TACC2: variants seen among roughly 807,000 people sequenced by gnomAD.
The protein encoded by TACC2 is transforming acidic coiled-coil-containing protein 2.
TACC2 carries 137 observed loss-of-function variants against 227.3 expected under a neutral mutation model. The observed-to-expected ratio is 0.60, with a 90% CI of 0.52 to 0.69. The LOEUF (loss-of-function observed/expected upper bound fraction) is 0.69, where lower values mean the gene tolerates loss of function less well. Among genes scored for constraint, TACC2 ranks in the 30% least tolerant of loss-of-function variants. The pLI is 0.00. For synonymous variants in TACC2, 1,523 were observed against 1,487.5 expected, an observed-to-expected ratio of 1.02 and a Z score of -0.55; for missense variants, 3,470 against 3,694.4, an observed-to-expected ratio of 0.94 and a Z score of 1.57.
At chr10:122,028,456 T>C (rs970367198) in intron 2 of TACC2, among the ~76,000 whole-genome samples, 3 of 152,202 alleles carry the variant, frequency 2.0e-5, no homozygotes, top group Non-Finnish European at 4.4e-5. Context: ...TTTTATGATG[T>C]TTATACCTAA....
chr10:122,023,010 A>G lies in TACC2; in HGVS notation c.33+996A>G, dbSNP rs1234218626. The G allele has an allele frequency of 3.3e-5, 5 of 151,622 alleles. No homozygotes were observed. In the South Asian group the frequency reaches 6.3e-4, roughly 19 times the overall value. The allele number at this position is 151,622 out of a possible 1,614,324, so 9.4% of individuals were successfully genotyped here. ...GAGAAAACTGGATCTAAAAACCCAC[A>G]TGCTGTAATTCATTTCCCTCTGCCT... On this transcript the variant is annotated intron_variant, in intron 2 of 22. Coordinates refer to ENST00000369005, the MANE Select transcript of TACC2 (RefSeq NM_206862.4).
At chr10:122,115,721 C>G (rs2084580561) in intron 5 of TACC2, among the ~76,000 whole-genome samples, 1 of 151,468 alleles carries the variant, frequency 6.6e-6, no homozygotes, top group Non-Finnish European at 1.5e-5. Context: ...TGGGGAGCAC[C>G]TGTGTGTGTG....
At chr10:122,066,778 T>G (rs2077435619) in intron 3 of TACC2, among the ~76,000 whole-genome samples, 1 of 152,256 alleles carries the variant, frequency 6.6e-6, no homozygotes, top group South Asian at 2.1e-4. Context: ...TTGGTTTAAA[T>G]CTATAGTCTT....
At chr10:122,080,830 TC>T (rs1165122451) in intron 3 of TACC2, among the ~76,000 whole-genome samples, 8 of 152,224 alleles carry the variant, frequency 5.3e-5, no homozygotes, top group African/African-American at 1.9e-4. Flanking sequence ...GGAGAATCTT[TC>T]CACTAGCCCC....
chr10:122,038,562 C>T (rs191535275), intron 2 of TACC2, among the ~76,000 whole-genome samples: 3 of 152,232 alleles, frequency 2.0e-5, no homozygotes, highest in East Asian at 3.9e-4. Flanking sequence ...TGTCTTGAGA[C>T]GCTCTCCAGG....
intron 3 of TACC2, among the ~76,000 whole-genome samples, chr10:122,068,846 C>G (rs1455836236): frequency 1.1e-5 from 1 of 93,508 alleles, no homozygotes; most frequent in Non-Finnish European, 2.2e-5. Flanking sequence ...GTCTGTGTGA[C>G]CTAGAAGTTT....
intron 15 of TACC2, 116 bp downstream of exon 15, chr10:122,229,602 C>T: frequency 8.5e-7 from 1 of 1,173,256 alleles, no homozygotes; most frequent in Non-Finnish European, 1.2e-6. Flanking sequence ...AGAACGTTCC[C>T]AGTGACATAT....
Position 122,215,527 on chromosome 10 carries a change from G to A in TACC2, c.7344+76G>A, listed in dbSNP as rs560179689. 4.0e-6 allele frequency: 5 copies of A among 1,256,212 alleles called. No homozygotes were observed. In the South Asian group the frequency reaches 6.0e-5, roughly 15 times the overall value. 77.8% of individuals were successfully genotyped at this position (1,256,212 alleles called of 1,614,324 possible). A position where few individuals can be genotyped will look rare whatever the true frequency, so the allele number is the denominator to read the frequency against. On this transcript the variant is annotated intron_variant, in intron 10 of 22. Coordinates refer to ENST00000369005, the MANE Select transcript of TACC2 (RefSeq NM_206862.4). ...TTTCTTCGCTTGTTGACAAAGCTTT[G>A]CTTTCTGCTCATCCCGGGCCTGTTT... is the stretch of plus-strand genomic sequence containing the variant.
intron 7 of TACC2, among the ~76,000 whole-genome samples, chr10:122,152,766 G>A (rs1350370147): frequency 6.6e-6 from 1 of 152,152 alleles, no homozygotes; most frequent in South Asian, 2.1e-4. Context: ...TGGCCAGAAC[G>A]CTGACTGTTG....
At chr10:121,999,832 T>A (rs1360865942) in intron 1 of TACC2, among the ~76,000 whole-genome samples, 1 of 152,240 alleles carries the variant, frequency 6.6e-6, no homozygotes, top group Non-Finnish European at 1.5e-5. Flanking sequence ...AATCGGTCAC[T>A]CCTTCCAGAG....
At chr10:122,195,004 C>T (rs903942433) in intron 7 of TACC2, 36 bp from the exon 8 acceptor site, 3 of 1,571,386 alleles carry the variant, frequency 1.9e-6, no homozygotes, top group Middle Eastern at 1.7e-4. Context: ...TGGCTCTGGG[C>T]CCCTGTCTAA....
At chr10:122,072,041 C>T (rs1229807003) in intron 3 of TACC2, among the ~76,000 whole-genome samples, 4 of 142,310 alleles carry the variant, frequency 2.8e-5, no homozygotes, top group South Asian at 2.3e-4. Context: ...TGCAGTGGCG[C>T]GATCTCAGCT....
intron 1 of TACC2, among the ~76,000 whole-genome samples, chr10:122,012,327 G>C (rs919949224): frequency 6.7e-6 from 1 of 149,662 alleles, no homozygotes; most frequent in Non-Finnish European, 1.5e-5. Flanking sequence ...GGCTGAGGCT[G>C]GAGAATCGCT....
At chr10:122,076,852 T>C (rs1190921644) in intron 3 of TACC2, among the ~76,000 whole-genome samples, 2 of 152,068 alleles carry the variant, frequency 1.3e-5, no homozygotes, top group African/African-American at 2.4e-5. Context: ...CGGTGGCTCA[T>C]GTCTATAATC....
chr10:122,217,542 G>A (rs2095435393), intron 11 of TACC2, among the ~76,000 whole-genome samples: 1 of 146,006 alleles, frequency 6.8e-6, no homozygotes, highest in South Asian at 2.2e-4. Flanking sequence ...GGGTTCAAGC[G>A]ATTCTCCTGC....
intron 3 of TACC2, among the ~76,000 whole-genome samples, chr10:122,062,460 C>A (rs34832465): frequency 1.3e-3 from 191 of 143,932 alleles, no homozygotes; most frequent in African/African-American, 4.5e-3. Flanking sequence ...TGCGCCACCA[C>A]GTCCGGCTAA....
intron 16 of TACC2, among the ~76,000 whole-genome samples, chr10:122,231,778 T>G (rs891266038): frequency 2.6e-5 from 4 of 152,192 alleles, no homozygotes; most frequent in Non-Finnish European, 5.9e-5. Flanking sequence ...GAGTTCCAGG[T>G]TACAGAGAGC....
intron 18 of TACC2, among the ~76,000 whole-genome samples, chr10:122,240,362 C>T (rs1432449077): frequency 1.3e-5 from 2 of 152,118 alleles, no homozygotes; most frequent in East Asian, 1.9e-4. Flanking sequence ...AAAGAACCCT[C>T]GGAGGCTCAT....
At chr10:122,056,196 CAG>C (rs1371898585) in intron 3 of TACC2, among the ~76,000 whole-genome samples, 3 of 152,216 alleles carry the variant, frequency 2.0e-5, no homozygotes, top group Admixed American at 6.5e-5. Context: ...GTTTTTGAGA[CAG>C]AGTTTTACTC....
Sources: gnomAD v4.1 joint callset for allele counts (sites outside exome capture counted in the v4.1 genomes callset) on GRCh38, gnomAD v4.1.1 for gene constraint, MANE v1.5 for transcripts, NCBI Gene and HGNC (gene_info 2026-07-23, HGNC 2026-07-21) for gene names.